DENND1A: variants seen among roughly 807,000 people sequenced by gnomAD.
DENND1A encodes DENN domain-containing protein 1A.
DENND1A carries 51 observed loss-of-function variants against 113.7 expected under a neutral mutation model. The ratio of observed to expected loss-of-function variants is 0.45; its 90% confidence interval spans 0.36 to 0.57. The LOEUF is 0.57. DENND1A is among the 20% of genes least tolerant of loss of function. The probability of loss-of-function intolerance (pLI) is 0.00; values close to 1 mark genes in which losing one functional copy is unlikely to be tolerated. For synonymous variants in DENND1A, 565 were observed against 570.8 expected (o/e 0.99, Z 0.14); for missense variants, 1,258 against 1,395.9 (o/e 0.90, Z 1.57).
intron 13 of DENND1A, among the ~76,000 whole-genome samples, chr9:123,553,422 C>A (rs559568519): frequency 1.5e-4 from 23 of 151,966 alleles, no homozygotes; most frequent in African/African-American, 4.8e-4. Context: ...CTCCTCATCC[C>A]TCCGTGATTC....
chr9:123,669,086 T>C (rs909747378), intron 7 of DENND1A, among the ~76,000 whole-genome samples: 1 of 152,226 alleles, frequency 6.6e-6, no homozygotes, highest in Non-Finnish European at 1.5e-5. Flanking sequence ...ATTCAATAAA[T>C]GGTATTTTAA....
chr9:123,597,770 G>T (rs2059760017), intron 11 of DENND1A, among the ~76,000 whole-genome samples: 1 of 152,108 alleles, frequency 6.6e-6, no homozygotes, highest in Admixed American at 6.5e-5. Context: ...GTTTGTGTGG[G>T]TCTTCTTTAT....
intron 13 of DENND1A, among the ~76,000 whole-genome samples, chr9:123,462,665 C>T (rs1216585682): frequency 1.3e-5 from 2 of 152,114 alleles, no homozygotes; most frequent in East Asian, 1.9e-4. Context: ...GGCGTGTTGG[C>T]GCACGCCTGT....
At position 123,663,983 on chromosome 9, in the gene DENND1A, C is replaced by T. The variant is rs1041419155; in HGVS notation, c.507+3043G>A. 1.4e-4 allele frequency among the ~76,000 whole-genome samples: 21 copies of T among 152,268 alleles called. No individual in the cohort carries two copies. In the Middle Eastern group the frequency reaches 0.01, roughly 74 times the overall value. Reference sequence around the variant, plus strand: ...AGTGCTCTGATCAGTTAGCCATCTACCTCTGTGAGGCCTTCCAGGGCTGCC... The same window carrying T: ...AGTGCTCTGATCAGTTAGCCATCTATCTCTGTGAGGCCTTCCAGGGCTGCC... On this transcript the variant is annotated intron_variant, in intron 8 of 23. Transcript: ENST00000394215.
chr9:123,881,679 G>C (rs1156495544), intron 1 of DENND1A, among the ~76,000 whole-genome samples: 1 of 152,048 alleles, frequency 6.6e-6, no homozygotes, highest in African/African-American at 2.4e-5. Context: ...TTAAAACACG[G>C]GGACACCAAC....
At chr9:123,496,038 G>A (rs1339922166) in intron 13 of DENND1A, among the ~76,000 whole-genome samples, 1 of 152,226 alleles carries the variant, frequency 6.6e-6, no homozygotes, top group Non-Finnish European at 1.5e-5. Flanking sequence ...TCTGAACAGA[G>A]CATTACGATC....
intron 13 of DENND1A, among the ~76,000 whole-genome samples, chr9:123,508,797 T>G (rs2053195132): frequency 6.6e-6 from 1 of 152,236 alleles, no homozygotes; most frequent in African/African-American, 2.4e-5. Context: ...ACAGATATAC[T>G]GAATTCCCAA....
chr9:123,516,962 G>A (rs1300382831), intron 13 of DENND1A, among the ~76,000 whole-genome samples: 1 of 142,570 alleles, frequency 7.0e-6, no homozygotes. Context: ...AACTTGTCAA[G>A]TGTCTCAAGG....
intron 13 of DENND1A, among the ~76,000 whole-genome samples, chr9:123,496,890 C>T (rs2051974448): frequency 6.6e-6 from 1 of 152,212 alleles, no homozygotes; most frequent in African/African-American, 2.4e-5. Flanking sequence ...ACTGGTCATA[C>T]TGCCCACTGT....
In DENND1A at chr9:123,457,519, A is replaced by G. The variant is rs886954265; in HGVS notation, c.1099-84T>C. 37 of 1,129,920 alleles carry G rather than the reference A, an allele frequency of 3.3e-5. No homozygotes were observed. In the Middle Eastern group the frequency reaches 1.2e-3, roughly 36 times the overall value. The allele number at this position is 1,129,920 out of a possible 1,614,324, so 70.0% of individuals were successfully genotyped here. On this transcript the variant is annotated intron_variant, in intron 14 of 23. Transcript: ENST00000394215. ...TTCAGCTGGGCACCTTACTGTATCCAAGGTAGGAGTTTTCAAAAAGTAAGG... is the reference window on the plus strand; with the variant it reads ...TTCAGCTGGGCACCTTACTGTATCCGAGGTAGGAGTTTTCAAAAAGTAAGG...
At chr9:123,725,275 G>C (rs1373420289) in intron 5 of DENND1A, among the ~76,000 whole-genome samples, 1 of 152,224 alleles carries the variant, frequency 6.6e-6, no homozygotes, top group East Asian at 1.9e-4. Flanking sequence ...CAGTGACAGA[G>C]AAGGAATTTA....
chr9:123,929,278 C>T (rs143884929), intron 1 of DENND1A, among the ~76,000 whole-genome samples: 2 of 152,334 alleles, frequency 1.3e-5, no homozygotes, highest in Non-Finnish European at 2.9e-5. Context: ...TTATCAAGAG[C>T]AGGTGCTCGG....
chr9:123,805,180 A>G (rs945395355), intron 2 of DENND1A, among the ~76,000 whole-genome samples: 21 of 152,116 alleles, frequency 1.4e-4, no homozygotes, highest in South Asian at 2.1e-4. Flanking sequence ...ATTTAAATTT[A>G]TAATTTTCCT....
chr9:123,583,280 G>A lies in DENND1A; in HGVS notation c.766-10C>T. On this transcript the variant is annotated splice_polypyrimidine_tract_variant and intron_variant, in intron 11 of 23. Coordinates refer to ENST00000394215, the MANE Select transcript of DENND1A (RefSeq NM_001352964.2). ...CCATGTTTCTGACTTTCTGCAAGGA[G>A]AAAAAAATCCACAAGAGAAGGTCAT... is the stretch of plus-strand genomic sequence containing the variant. The A allele has an allele frequency of 6.2e-7, 1 of 1,604,642 alleles. No homozygotes were observed. Among genetic ancestry groups the A allele is most frequent in the Admixed American group, 1.7e-5 (1 of 58,986 alleles).
chr9:123,843,212 T>C (rs1842079757), intron 2 of DENND1A: 1 of 534,834 alleles, frequency 1.9e-6, no homozygotes, highest in Admixed American at 2.1e-5. Flanking sequence ...TAGTATTATA[T>C]TTAGTAGTGA....
intron 13 of DENND1A, among the ~76,000 whole-genome samples, chr9:123,547,074 G>T (rs1375151724): frequency 6.6e-6 from 1 of 152,182 alleles, no homozygotes; most frequent in Admixed American, 6.5e-5. Context: ...TGACTCCAAG[G>T]TAACAAGACT....
chr9:123,638,683 A>G (rs2061848954), intron 9 of DENND1A, among the ~76,000 whole-genome samples: 1 of 151,834 alleles, frequency 6.6e-6, no homozygotes, highest in South Asian at 2.1e-4. Context: ...GCTGGTCTCG[A>G]TCTCCTGACC....
In DENND1A at chr9:123,384,995, A is replaced by AC. The variant is rs908675315; in HGVS notation, c.1761-1083dup. Among the ~76,000 whole-genome samples, 43 of 151,932 alleles carry AC rather than the reference A, an allele frequency of 2.8e-4. 1 individual carries two copies. Among genetic ancestry groups the AC allele is most frequent in the African/African-American group, 9.2e-4 (38 of 41,398 alleles). ...AACAAAACAAAAAAACAAACAAAAA[A>AC]CCCCACACCACTACTTTGCAGCTGA... On this transcript the variant is annotated intron_variant, in intron 22 of 23. Coordinates refer to ENST00000394215, the MANE Select transcript of DENND1A (RefSeq NM_001352964.2).
chr9:123,741,197 TAA>T (rs2068991800), intron 5 of DENND1A, among the ~76,000 whole-genome samples: 1 of 152,206 alleles, frequency 6.6e-6, no homozygotes, highest in Admixed American at 6.5e-5. Context: ...CAGCAACTTT[TAA>T]AAGTGATAAG....
Sources: allele counts gnomAD v4.1 joint callset (sites outside exome capture counted in the v4.1 genomes callset), GRCh38; gene constraint gnomAD v4.1.1; transcripts MANE v1.5; gene names NCBI Gene and HGNC (gene_info 2026-07-23, HGNC 2026-07-21).